TACC1: variants seen among roughly 807,000 people sequenced by gnomAD.
TACC1 encodes the protein transforming acidic coiled-coil containing protein 1.
A neutral mutation model predicts 84.4 loss-of-function variants in TACC1; 48 were observed. The ratio of observed to expected loss-of-function variants is 0.57; its 90% CI spans 0.45 to 0.72. The LOEUF (loss-of-function observed/expected upper bound fraction) is 0.72. Ranked by LOEUF, TACC1 falls within the 30% of genes least tolerant of loss-of-function variation. The probability of loss-of-function intolerance (pLI) is 0.00; values close to 1 mark genes in which losing one functional copy is unlikely to be tolerated. For missense variants in TACC1, 920 were observed against 973.0 expected (o/e 0.95, Z 0.72); for synonymous variants, 372 against 376.3 (o/e 0.99, Z 0.13).
intron 3 of TACC1, among the ~76,000 whole-genome samples, chr8:38,748,680 C>T (rs866211140): frequency 4.6e-5 from 7 of 152,186 alleles, no homozygotes; most frequent in Admixed American, 1.3e-4. Flanking sequence ...AACTAAGCAA[C>T]ACACTTCTAA....
intron 6 of TACC1, among the ~76,000 whole-genome samples, chr8:38,833,963 A>G (rs757995140): frequency 5.3e-5 from 8 of 152,250 alleles, no homozygotes; most frequent in Non-Finnish European, 7.3e-5. Flanking sequence ...TAGGCAAGTA[A>G]AAGTTTCTTG....
chr8:38,841,120 A>C (rs1831196151), intron 9 of TACC1, among the ~76,000 whole-genome samples: 1 of 152,206 alleles, frequency 6.6e-6, no homozygotes, highest in South Asian at 2.1e-4. Context: ...TGGCCACAAC[A>C]TTTTCATTGA....
At position 38,851,892 on chromosome 8, in the gene TACC1, T is replaced by G; in HGVS notation, c.*3869T>G. ...AAGAAGTCATCTCCTTCAAATACTT[T>G]AATAAAGAAGTATTTCGAGGAGATA... On this transcript the variant is annotated 3_prime_UTR_variant, in exon 13 of 13. Transcript: ENST00000317827. 2.2e-6 allele frequency: 1 copy of G among 455,946 alleles called. No individual in the cohort carries two copies. Among genetic ancestry groups the G allele is most frequent in the Non-Finnish European group, 4.4e-6 (1 of 226,876 alleles). The allele number at this position is 455,946 out of a possible 1,614,324, so 28.2% of individuals were successfully genotyped here.
intron 1 of TACC1, among the ~76,000 whole-genome samples, chr8:38,741,656 T>C (rs778817918): frequency 1.3e-5 from 2 of 152,206 alleles, no homozygotes; most frequent in Non-Finnish European, 2.9e-5. Context: ...TATTGGTGGA[T>C]GTACTCTTCC....
intron 2 of TACC1, among the ~76,000 whole-genome samples, chr8:38,795,646 C>T (rs978974040): frequency 5.9e-5 from 9 of 152,214 alleles, no homozygotes; most frequent in Non-Finnish European, 1.3e-4. Context: ...GTCACACTCT[C>T]CTAAATCCAG....
rs574909421 is a variant in TACC1, at chr8:38,732,367, A to G, written c.-675+3696A>G. On this transcript the variant is annotated intron_variant, in intron 1 of 14. Coordinates refer to the TACC1 transcript ENST00000518415. The stretch of plus-strand genomic sequence containing the variant: ...CTTGTATTTTTGGAAGGATGACTTT[A>G]GGATTTCAAACTGAGATATGAAATT... Among the ~76,000 whole-genome samples, 11 of 151,870 alleles carry G rather than the reference A, an allele frequency of 7.2e-5. No individual in the cohort carries two copies. In the South Asian group the frequency reaches 2.3e-3, roughly 32 times the overall value.
chr8:38,811,784 C>T (rs544777388), intron 2 of TACC1, among the ~76,000 whole-genome samples: 2 of 152,230 alleles, frequency 1.3e-5, no homozygotes, highest in Admixed American at 1.3e-4. Context: ...AGAATAACAG[C>T]GATTTTCCGG....
At chr8:38,819,481 C>A in intron 2 of TACC1, 41 bp from the exon 3 acceptor site, 1 of 1,561,600 alleles carries the variant, frequency 6.4e-7, no homozygotes. Context: ...TTACCAGTGA[C>A]AGATAATTCT....
intron 1 of TACC1, 113 bp from the exon 2 acceptor site, chr8:38,788,591 G>A: frequency 2.5e-6 from 2 of 813,596 alleles, no homozygotes; most frequent in Non-Finnish European, 4.0e-6. Flanking sequence ...GGACCGGTTG[G>A]TTGTGAAGTT....
rs191456837 is a variant in TACC1 at position 38,812,113 on chromosome 8, G to C, written c.278-7409G>C. Among the ~76,000 whole-genome samples the C allele has an allele frequency of 6.1e-3, 924 of 152,218 alleles. 7 individuals are homozygous for C. Among genetic ancestry groups the C allele is most frequent in the Non-Finnish European group, 9.8e-3 (669 of 67,998 alleles). On this transcript the variant is annotated intron_variant, in intron 2 of 12. Transcript: ENST00000317827. ...CAGCCTGGTAAATTTTGGTCAGACC[G>C]GTTCTCTGCTCTCGAACCCTGTTTT...
chr8:38,738,665 C>CT (rs112889333), intron 1 of TACC1, among the ~76,000 whole-genome samples: 1,517 of 144,054 alleles, frequency 0.011, 10 homozygotes, highest in Middle Eastern at 0.018. Flanking sequence ...GTTTTGAGCA[C>CT]TTTTTTTTTT....
chr8:38,821,386 G>A (rs1283124478), intron 3 of TACC1, among the ~76,000 whole-genome samples: 5 of 152,260 alleles, frequency 3.3e-5, no homozygotes, highest in Admixed American at 6.5e-5. Context: ...CGTCAATAAC[G>A]TGGGAAATGA....
chr8:38,841,090 C>CA (rs1831190914), intron 9 of TACC1, among the ~76,000 whole-genome samples: 1 of 152,148 alleles, frequency 6.6e-6, no homozygotes, highest in Non-Finnish European at 1.5e-5. Flanking sequence ...AGGGAAAAGA[C>CA]AGAGTTAGAG....
chr8:38,803,362 A>G (rs564830905), intron 2 of TACC1, among the ~76,000 whole-genome samples: 2 of 152,354 alleles, frequency 1.3e-5, no homozygotes, highest in South Asian at 2.1e-4. Flanking sequence ...GGGTGAAAAC[A>G]TTCAGTCTTT....
At chr8:38,787,198 G>C (rs1295302561), upstream of TACC1, 4 of 988,380 alleles carry the variant, frequency 4.0e-6, no homozygotes, top group East Asian at 4.4e-4. Flanking sequence ...GCGCGGCTCC[G>C]GCGGCAGCTG....
chr8:38,824,184 C>G (rs1271094469), intron 3 of TACC1, among the ~76,000 whole-genome samples: 1 of 152,144 alleles, frequency 6.6e-6, no homozygotes, highest in Non-Finnish European at 1.5e-5. Flanking sequence ...GTCAGCTTAG[C>G]CTTGCAGTTG....
rs566544826 is a variant in TACC1, at chr8:38,774,548, AGT to A, written c.27-14154_27-14153del. Among the ~76,000 whole-genome samples the A allele has an allele frequency of 8.6e-4, 131 of 152,326 alleles. 1 individual carries two copies. Among genetic ancestry groups the A allele is most frequent in the Admixed American group, 7.8e-3 (120 of 15,310 alleles). On this transcript the variant is annotated intron_variant, in intron 3 of 14. Transcript: ENST00000518415. ...CACTCTATAGCCCAGGCTGAAGTGCAGTGGTAGCATCACAGCTCACTGCAACC... is the reference window on the plus strand; with the variant it reads ...CACTCTATAGCCCAGGCTGAAGTGCAGGTAGCATCACAGCTCACTGCAACC...
At chr8:38,801,502 C>T (rs904380759) in intron 2 of TACC1, among the ~76,000 whole-genome samples, 1 of 152,080 alleles carries the variant, frequency 6.6e-6, no homozygotes, top group Non-Finnish European at 1.5e-5. Context: ...AACTTTGCAC[C>T]CTTGTCAAAA....
At chr8:38,761,054 T>C (rs1811118573) in intron 3 of TACC1, among the ~76,000 whole-genome samples, 1 of 152,208 alleles carries the variant, frequency 6.6e-6, no homozygotes, top group South Asian at 2.1e-4. Context: ...GCAATAACTT[T>C]TTTGAGTTAA....
Sources: allele counts gnomAD v4.1 joint callset (sites outside exome capture counted in the v4.1 genomes callset), GRCh38; gene constraint gnomAD v4.1.1; transcripts MANE v1.5; gene names NCBI Gene and HGNC (gene_info 2026-07-23, HGNC 2026-07-21).